The following ZNF333 variants were observed in gnomAD, a reference collection of about 807,000 sequenced individuals.
ZNF333 encodes the protein zinc finger protein 333.
Under a neutral mutation model 76.1 loss-of-function variants are expected in ZNF333, and 61 were observed. The ratio of observed to expected loss-of-function variants is 0.80; its 90% confidence interval spans 0.65 to 0.99. ZNF333 has a LOEUF of 0.99. Among genes scored for constraint, ZNF333 ranks in the 50% least tolerant of loss-of-function variants. The pLI is 0.00. For synonymous variants in ZNF333, 284 were observed against 305.0 expected (o/e 0.93, Z 0.72); for missense variants, 717 against 822.4 (o/e 0.87, Z 1.57).
exon 12 of ZNF333, chr19:14,732,881 T>G (rs896178324): frequency 6.6e-6 from 1 of 152,230 alleles, no homozygotes; most frequent in Non-Finnish European, 1.5e-5. Flanking sequence ...AGTGGTAGAA[T>G]TGAGTTGCTG....
chr19:14,722,686 G>A (rs978287317), downstream of ZNF333, among the ~76,000 whole-genome samples: 3 of 152,028 alleles, frequency 2.0e-5, no homozygotes, highest in African/African-American at 4.8e-5. Flanking sequence ...ATCTAATGTC[G>A]TGAGGCTTAC....
intron 7 of ZNF333, among the ~76,000 whole-genome samples, chr19:14,711,674 T>C (rs1480260564): frequency 1.3e-5 from 2 of 152,138 alleles, no homozygotes; most frequent in Non-Finnish European, 1.5e-5. Context: ...TAATAATGCA[T>C]ATAAAACATT....
intron 7 of ZNF333, 131 bp from the exon 8 acceptor site, chr19:14,715,251 G>A: frequency 2.9e-6 from 2 of 694,030 alleles, no homozygotes; most frequent in South Asian, 1.8e-5. Context: ...GCATGTGTGT[G>A]TCCCTGTGAG....
At chr19:14,714,417 A>G (rs1042080367) in intron 7 of ZNF333, among the ~76,000 whole-genome samples, 1 of 152,072 alleles carries the variant, frequency 6.6e-6, no homozygotes, top group Non-Finnish European at 1.5e-5. Flanking sequence ...CAAGCCAAGG[A>G]GCCCCAAGTG....
At chr19:14,714,433 G>A (rs1397001961) in intron 7 of ZNF333, among the ~76,000 whole-genome samples, 1 of 152,136 alleles carries the variant, frequency 6.6e-6, no homozygotes, top group Non-Finnish European at 1.5e-5. Flanking sequence ...AAGTGTCGAT[G>A]GCCGCCACCA....
At chr19:14,732,920 A>G (rs1331875275) in exon 12 of ZNF333, 2 of 152,194 alleles carry the variant, frequency 1.3e-5, no homozygotes, top group Non-Finnish European at 2.9e-5. Context: ...AGCCTAACAT[A>G]TACACTATCA....
Position 14,730,515 on chromosome 19 carries a change from C to A in ZNF333, c.901-660C>A, listed in dbSNP as rs114093177. 3.1e-3 allele frequency among the ~76,000 whole-genome samples: 472 copies of A among 151,002 alleles called. 2 individuals are homozygous for A. Among genetic ancestry groups the A allele is most frequent in the African/African-American group, 0.011 (451 of 40,850 alleles). ...TGCTTTTCCTTTCTCTATCTCCTTT[C>A]TTTTTCTTTGTCTTCCTCTCTCTTT... On this transcript the variant is annotated intron_variant, in intron 11 of 11. Transcript: ENST00000540689.
chr19:14,699,130 A>C (rs1257549179), intron 4 of ZNF333, 69 bp from the exon 5 acceptor site: 1 of 1,175,608 alleles, frequency 8.5e-7, no homozygotes, highest in East Asian at 2.4e-5. Flanking sequence ...ATATATGTGA[A>C]TATATATTTT....
chr19:14,721,648 C>G lies in ZNF333; in HGVS notation c.*2323C>G, dbSNP rs2042589051. ...AATAGTCCATAGTCTGAATATACCA[C>G]AATTTAAAAATTCTATTCTGTTTAC... On this transcript the variant is annotated 3_prime_UTR_variant, in exon 12 of 12. Coordinates refer to ENST00000292530, the MANE Select transcript of ZNF333 (RefSeq NM_032433.4). 1 of 152,196 alleles carries G rather than the reference C, an allele frequency of 6.6e-6. No homozygotes were observed. The highest frequency in any genetic ancestry group is 1.5e-5 in the Non-Finnish European group (1 of 68,038). The allele number at this position is 152,196 out of a possible 1,614,324, so 9.4% of individuals were successfully genotyped here.
intron 11 of ZNF333, 74 bp from the exon 12 acceptor site, chr19:14,718,154 A>G: frequency 6.6e-7 from 1 of 1,524,584 alleles, no homozygotes; most frequent in Non-Finnish European, 8.7e-7. Context: ...TTTTTCTTAC[A>G]TTCATTTCAC....
rs773600475 is a variant in ZNF333, at chr19:14,719,188, A to G, written c.1861A>G (p.Asn621Asp). The G allele has an allele frequency of 7.4e-6, 12 of 1,614,192 alleles. No homozygotes were observed. The highest frequency in any genetic ancestry group is 9.3e-6 in the Non-Finnish European group (11 of 1,180,030). The change falls in exon 12 of 12, where the codon AAT becomes GAT. Residue 621 changes from asparagine (N) to aspartate (D), a missense_variant. Coordinates refer to ENST00000292530, the MANE Select transcript of ZNF333 (RefSeq NM_032433.4). ...CAGTGCCGGGAGACCCTATCAATGT[A>G]ATCAGTGTGAGAAAGCCTTCAGGCA... ...THSAGRPYQC[N>D]QCEKAFRHSS...
rs141998898 is a variant in ZNF333, at chr19:14,718,472, T to C, written c.1145T>C (p.Ile382Thr). The C allele has an allele frequency of 9.3e-5, 150 of 1,614,190 alleles. 2 individuals carry two copies. In the East Asian group the frequency reaches 2.9e-3, roughly 32 times the overall value. The change falls in exon 12 of 12, where the codon ATC becomes ACC. Residue 382 changes from isoleucine (I) to threonine (T), a missense_variant. Coordinates refer to ENST00000292530, the MANE Select transcript of ZNF333 (RefSeq NM_032433.4). The part of the protein sequence containing the change: ...EKSFRYSSDL[I>T]RHEKTHTAEK... ...TCCTTCAGATACAGCTCTGACCTTA[T>C]CAGGCATGAGAAGACTCATACTGCA...
intron 10 of ZNF333, 28 bp from the exon 11 acceptor site, chr19:14,717,629 T>A: frequency 6.2e-7 from 1 of 1,603,314 alleles, no homozygotes; most frequent in Non-Finnish European, 8.5e-7. Context: ...TCTGTGTGCT[T>A]AACTTTTTCT....
At chr19:14,697,815 C>T (rs1021355195) in intron 4 of ZNF333, among the ~76,000 whole-genome samples, 9 of 152,310 alleles carry the variant, frequency 5.9e-5, no homozygotes, top group East Asian at 1.9e-4. Flanking sequence ...TTCCCACCAG[C>T]GGAGATGAGA....
At chr19:14,696,348 A>G (rs923139627) in intron 4 of ZNF333, among the ~76,000 whole-genome samples, 2 of 151,216 alleles carry the variant, frequency 1.3e-5, no homozygotes, top group Non-Finnish European at 2.9e-5. Flanking sequence ...ACTCCCCATT[A>G]CCCCTCCCTC....
intron 5 of ZNF333, among the ~76,000 whole-genome samples, chr19:14,703,381 A>C (rs929477503): frequency 1.8e-4 from 27 of 152,108 alleles, no homozygotes; most frequent in Admixed American, 9.8e-4. Flanking sequence ...ACACAGCCAG[A>C]CCATATCAGC....
At chr19:14,700,706 G>A (rs980361331) in intron 5 of ZNF333, among the ~76,000 whole-genome samples, 3 of 152,146 alleles carry the variant, frequency 2.0e-5, no homozygotes, top group African/African-American at 7.2e-5. Context: ...GAAAGTTAGA[G>A]TTAGGGTTTG....
exon 12 of ZNF333, chr19:14,733,726 C>T (rs1216219417): frequency 6.6e-6 from 1 of 152,204 alleles, no homozygotes; most frequent in Non-Finnish European, 1.5e-5. Flanking sequence ...CTAAAATAAA[C>T]CTGTCTTAAC....
At chr19:14,712,687 C>A (rs545264743) in intron 7 of ZNF333, among the ~76,000 whole-genome samples, 2 of 152,158 alleles carry the variant, frequency 1.3e-5, no homozygotes, top group Non-Finnish European at 2.9e-5. Flanking sequence ...CTTGTGGATG[C>A]AGCCCTCCCG....
Sources: gnomAD v4.1 joint callset for allele counts (sites outside exome capture counted in the v4.1 genomes callset) on GRCh38, gnomAD v4.1.1 for gene constraint, MANE v1.5 for transcripts, NCBI Gene and HGNC (gene_info 2026-07-23, HGNC 2026-07-21) for gene names.